RGPD2: variants seen among roughly 807,000 people sequenced by gnomAD.
RGPD2 encodes RANBP2-like and GRIP domain-containing protein 2.
In RGPD2, 2 loss-of-function variants were observed where a neutral mutation model predicts 36.0. The ratio of observed to expected loss-of-function variants is 0.06; its 90% CI spans 0.02 to 0.17. The LOEUF (loss-of-function observed/expected upper bound fraction) is 0.17, where lower values mean the gene tolerates loss of function less well. RGPD2 is among the 10% of genes least tolerant of loss of function. RGPD2 has a pLI of 1.00. For missense variants in RGPD2, 40 were observed against 464.3 expected, an observed-to-expected ratio of 0.09 and a Z score of 8.40; for synonymous variants, 19 against 163.8, an observed-to-expected ratio of 0.12 and a Z score of 6.75.
At chr2:87,972,729 G>T in the RGPD2 span, 2 of 1,610,658 alleles carry the variant, frequency 1.2e-6, no homozygotes, top group Non-Finnish European at 1.7e-6. Flanking sequence ...CAGCAGCTTC[G>T]AGAGCTGTGC....
chr2:87,923,539 A>C, the RGPD2 span, among the ~76,000 whole-genome samples: 1 of 152,140 alleles, frequency 6.6e-6, no homozygotes, highest in Non-Finnish European at 1.5e-5. Flanking sequence ...CGTATGGTAC[A>C]CTGGAAAATA....
chr2:87,829,513 G>T (rs925949850), upstream of RGPD2, among the ~76,000 whole-genome samples: 2 of 152,114 alleles, frequency 1.3e-5, no homozygotes, highest in Non-Finnish European at 2.9e-5. Context: ...CAAAAAAACA[G>T]AAGTTTAATG....
chr2:87,839,434 A>G, the RGPD2 span, among the ~76,000 whole-genome samples: 1 of 152,120 alleles, frequency 6.6e-6, no homozygotes, highest in East Asian at 1.9e-4. Flanking sequence ...TCCTGGGTAT[A>G]TACCCAATGG....
At chr2:87,830,144 C>G (rs1415432459), upstream of RGPD2, among the ~76,000 whole-genome samples, 1 of 150,972 alleles carries the variant, frequency 6.6e-6, no homozygotes, top group African/African-American at 2.4e-5. Flanking sequence ...AAATGACCTC[C>G]TTTGACTGAA....
chr2:87,988,542 T>TATATATATATATATATATATATATATA, the RGPD2 span, among the ~76,000 whole-genome samples: 45 of 37,462 alleles, frequency 1.2e-3, 6 homozygotes, highest in East Asian at 3.8e-3. Flanking sequence ...TATATATATA[T>TATATATATATATATATATATATATATA]TTTTTTTTTT....
the RGPD2 span, among the ~76,000 whole-genome samples, chr2:87,868,858 A>G: frequency 1.2e-4 from 18 of 151,954 alleles, no homozygotes; most frequent in Non-Finnish European, 2.4e-4. Context: ...CCCTCTTTAA[A>G]TTTTCAGTAT....
At chr2:87,847,073 C>G in the RGPD2 span, among the ~76,000 whole-genome samples, 9 of 152,106 alleles carry the variant, frequency 5.9e-5, no homozygotes, top group Non-Finnish European at 1.3e-4. Context: ...TTTTCATCAA[C>G]AGTGGTAATT....
the RGPD2 span, among the ~76,000 whole-genome samples, chr2:87,961,103 T>C: frequency 0.021 from 3,257 of 151,942 alleles, 211 homozygotes; most frequent in East Asian, 0.13. Context: ...CTATTTCTTT[T>C]ACAACCTGAG....
the RGPD2 span, among the ~76,000 whole-genome samples, chr2:87,876,163 C>T: frequency 6.7e-6 from 1 of 150,232 alleles, no homozygotes. Flanking sequence ...AAAAAAACAG[C>T]TTCTGGATTT....
the RGPD2 span, among the ~76,000 whole-genome samples, chr2:87,975,950 C>A: frequency 7.9e-5 from 12 of 151,682 alleles, no homozygotes; most frequent in African/African-American, 1.2e-4. Context: ...GGAAACACTG[C>A]AAGTCTGAAG....
At chr2:87,966,240 G>A in the RGPD2 span, among the ~76,000 whole-genome samples, 1 of 152,160 alleles carries the variant, frequency 6.6e-6, no homozygotes, top group South Asian at 2.1e-4. Flanking sequence ...CTGCATAGCT[G>A]TTATTTCACT....
At chr2:87,821,841 AG>A (rs1229733536) in intron 1 of RGPD2, among the ~76,000 whole-genome samples, 2 of 95,876 alleles carry the variant, frequency 2.1e-5, no homozygotes, top group African/African-American at 8.4e-5. Context: ...GGCTGAAAAC[AG>A]GAACAGTAAG....
At chr2:87,884,989 A>G in the RGPD2 span, among the ~76,000 whole-genome samples, 60 of 151,274 alleles carry the variant, frequency 4.0e-4, no homozygotes, top group African/African-American at 1.2e-3. Flanking sequence ...CTACAAGAAA[A>G]GAAAAACTGC....
chr2:87,957,524 C>T, the RGPD2 span, among the ~76,000 whole-genome samples: 2 of 151,852 alleles, frequency 1.3e-5, no homozygotes, highest in African/African-American at 4.9e-5. Flanking sequence ...AGTTCTATGC[C>T]GTACCTTCGT....
chr2:87,937,539 A>G, the RGPD2 span, among the ~76,000 whole-genome samples: 17 of 151,806 alleles, frequency 1.1e-4, no homozygotes, highest in Non-Finnish European at 1.9e-4. Flanking sequence ...CATGATGAAA[A>G]AAGAGCAAGA....
At chr2:87,973,642 C>A in the RGPD2 span, among the ~76,000 whole-genome samples, 1 of 136,348 alleles carries the variant, frequency 7.3e-6, no homozygotes, top group African/African-American at 2.7e-5. Flanking sequence ...GCTTTACCCC[C>A]GCAAGACATA....
chr2:87,986,401 G>T, the RGPD2 span, among the ~76,000 whole-genome samples: 2 of 150,038 alleles, frequency 1.3e-5, no homozygotes, highest in Non-Finnish European at 3.0e-5. Context: ...CCAAAGCACT[G>T]GGATTACAGG....
At chr2:87,945,587 AG>A in the RGPD2 span, among the ~76,000 whole-genome samples, 2 of 145,290 alleles carry the variant, frequency 1.4e-5, no homozygotes, top group Non-Finnish European at 3.0e-5. Flanking sequence ...AAAAAAGAAA[AG>A]TAGAAAATAA....
chr2:87,969,818 G>GT, the RGPD2 span, among the ~76,000 whole-genome samples: 26 of 139,204 alleles, frequency 1.9e-4, no homozygotes, highest in African/African-American at 6.7e-4. Context: ...AGAAGAAAAT[G>GT]TCACAATGAT....
Sources: allele counts gnomAD v4.1 joint callset (sites outside exome capture counted in the v4.1 genomes callset), GRCh38; gene constraint gnomAD v4.1.1; transcripts MANE v1.5; gene names NCBI Gene and HGNC (gene_info 2026-07-23, HGNC 2026-07-21).